Variants in C11orf87 observed in about 807,000 individuals in gnomAD.
C11orf87 encodes chromosome 11 open reading frame 87, also known as uncharacterized protein C11orf87.
Under a neutral mutation model 9.2 loss-of-function variants are expected in C11orf87, and 3 were observed. The ratio of observed to expected loss-of-function variants is 0.33; its 90% CI spans 0.15 to 0.84. C11orf87 has a LOEUF of 0.84. C11orf87 is among the 40% of genes least tolerant of loss of function. The probability of loss-of-function intolerance (pLI) is 0.55; values close to 1 mark genes in which losing one functional copy is unlikely to be tolerated. For missense variants in C11orf87, 256 were observed against 270.7 expected (o/e 0.95, Z 0.38); for synonymous variants, 124 against 124.6 (o/e 1.00, Z 0.03).
In C11orf87 at chr11:109,423,318, C is replaced by T. The variant is rs546449707; in HGVS notation, c.-259-57C>T. 1.9e-5 allele frequency: 8 copies of T among 424,296 alleles called. No individual in the cohort carries two copies. Among genetic ancestry groups the T allele is most frequent in the Non-Finnish European group, 3.0e-5 (7 of 237,104 alleles). 26.3% of individuals were successfully genotyped at this position (424,296 alleles called of 1,614,324 possible). ...CTTTGCGGTGGTGGTTGATCTTTCC[C>T]GACAGCACTCCCCTGGGCAGCGGCC... On this transcript the variant is annotated intron_variant, in intron 1 of 1. Coordinates refer to ENST00000327419, the MANE Select transcript of C11orf87 (RefSeq NM_207645.4). This position sits in a 1 kb window ranked among gnomAD's most constrained non-coding sequence, Gnocchi z 5.3.
In C11orf87 at chr11:109,426,464, A is replaced by C. The variant is rs1860574359; in HGVS notation, c.*2237A>C. On this transcript the variant is annotated 3_prime_UTR_variant, in exon 2 of 2. Transcript: ENST00000327419. ...ACTTAATTTTAATCACCCATAAGAT[A>C]ATCACCTTTCCTGAAGCACAGAAGA... is the stretch of plus-strand genomic sequence containing the variant. 1 of 152,246 alleles carries C rather than the reference A, an allele frequency of 6.6e-6. No homozygotes were observed. Among genetic ancestry groups the C allele is most frequent in the African/African-American group, 2.4e-5 (1 of 41,470 alleles). 9.4% of individuals were successfully genotyped at this position (152,246 alleles called of 1,614,324 possible). A position where few individuals can be genotyped will look rare whatever the true frequency, so the allele number is the denominator to read the frequency against.
chr11:109,423,227 C>T lies in C11orf87; in HGVS notation c.-259-148C>T. ...GCTCTGGTGCACGGCCACGGGCCGG[C>T]AGGCTGGGGTCCGCTGACCGAAAAT... On this transcript the variant is annotated intron_variant, in intron 1 of 1. Coordinates refer to ENST00000327419, the MANE Select transcript of C11orf87 (RefSeq NM_207645.4). This position sits in a 1 kb window ranked among gnomAD's most constrained non-coding sequence, Gnocchi z 5.3. The T allele has an allele frequency of 4.1e-6, 1 of 244,112 alleles. No individual in the cohort carries two copies. Among genetic ancestry groups the T allele is most frequent in the Non-Finnish European group, 7.9e-6 (1 of 127,176 alleles). 15.1% of individuals were successfully genotyped at this position (244,112 alleles called of 1,614,324 possible).
rs1048800857 is a variant in C11orf87 at position 109,423,148 on chromosome 11, C to T, written c.-259-227C>T. ...TTATCTGCTGAGTAATCTGCACCTCCGCGGTGCCGGCGCAGACCCCATCCT... is the reference window on the plus strand; with the variant it reads ...TTATCTGCTGAGTAATCTGCACCTCTGCGGTGCCGGCGCAGACCCCATCCT... On this transcript the variant is annotated intron_variant, in intron 1 of 1. Coordinates refer to ENST00000327419, the MANE Select transcript of C11orf87 (RefSeq NM_207645.4). This position sits in a 1 kb window ranked among gnomAD's most constrained non-coding sequence, Gnocchi z 5.3. Among the ~76,000 whole-genome samples the T allele has an allele frequency of 6.6e-6, 1 of 152,194 alleles. No individual in the cohort carries two copies. The highest frequency in any genetic ancestry group is 2.4e-5 in the African/African-American group (1 of 41,456).
At chr11:109,422,831 C>A (rs1048771190) in intron 1 of C11orf87, among the ~76,000 whole-genome samples, 3 of 139,394 alleles carry the variant, frequency 2.2e-5, no homozygotes, top group Admixed American at 1.6e-4. Flanking sequence ...CGGACAGAGG[C>A]AGAGTGGGAT....
rs949614687 is a variant in C11orf87 at position 109,428,972 on chromosome 11, G to A, written c.*4745G>A. 1 of 152,098 alleles carries A rather than the reference G, an allele frequency of 6.6e-6. No individual in the cohort carries two copies. Among genetic ancestry groups the A allele is most frequent in the African/African-American group, 2.4e-5 (1 of 41,442 alleles). 9.4% of individuals were successfully genotyped at this position (152,098 alleles called of 1,614,324 possible). ...CAAGGGATTGTTTCTATAGAGAGAT[G>A]AACAGCAACAACAGTGACAATGATG... On this transcript the variant is annotated 3_prime_UTR_variant, in exon 2 of 2. Transcript: ENST00000327419.
Position 109,422,233 on chromosome 11 carries a change from G to C in C11orf87, c.-290G>C, listed in dbSNP as rs1341861030. 5.0e-6 allele frequency: 1 copy of C among 201,038 alleles called. No individual in the cohort carries two copies. The highest frequency in any genetic ancestry group is 1.0e-5 in the Non-Finnish European group (1 of 99,018). 12.5% of individuals were successfully genotyped at this position (201,038 alleles called of 1,614,324 possible). Reference sequence around the variant, plus strand: ...CCGCCACTGCAGCCGCGCGGCGGGGGCTCCCTCCTTGCAGCCAGCCGGCGG... The same window carrying C: ...CCGCCACTGCAGCCGCGCGGCGGGGCCTCCCTCCTTGCAGCCAGCCGGCGG... On this transcript the variant is annotated 5_prime_UTR_variant, in exon 1 of 2. Coordinates refer to ENST00000327419, the MANE Select transcript of C11orf87 (RefSeq NM_207645.4).
rs923615100 is a variant in C11orf87, at chr11:109,424,037, C to T, written c.404C>T (p.Pro135Leu). ...AAGGAAACCCGGCTGGAGAGGCAGC[C>T]CCGGGACTCTCCCTTCTGCGCCCCT... ...HAKETRLERQ[P>L]RDSPFCAPSN... The change falls in exon 2 of 2, where the codon CCC (proline) becomes CTC (leucine). Residue 135 changes from proline (P) to leucine (L), a missense_variant. Physicochemically the swap from Pro to Leu is moderately conservative, Grantham distance 98. Coordinates refer to ENST00000327419, the MANE Select transcript of C11orf87 (RefSeq NM_207645.4). The surrounding 1 kb of genome is among the most constrained non-coding windows in gnomAD (Gnocchi z 4.7). The T allele has an allele frequency of 1.9e-6, 3 of 1,613,884 alleles. No individual in the cohort carries two copies. The highest frequency in any genetic ancestry group is 1.7e-6 in the Non-Finnish European group (2 of 1,180,022).
rs369089288 is a variant in C11orf87, at chr11:109,423,933, A to G, written c.300A>G (p.Glu100=). 7.4e-6 allele frequency: 12 copies of G among 1,614,124 alleles called. No individual in the cohort carries two copies. In the African/African-American group the frequency reaches 1.1e-4, roughly 14 times the overall value. Residue 100 remains glutamate (E), a synonymous_variant, in exon 2 of 2, where the codon GAA becomes GAG. Transcript: ENST00000327419. The surrounding 1 kb of genome is among the most constrained non-coding windows in gnomAD (Gnocchi z 5.3). ...GGAAGATGCAGAGGGCTCAGGAGGA[A>G]TATGAGCGGGATCACTGCAGCGGCA... The part of the protein sequence containing the change: ...KKRKMQRAQE[E]YERDHCSGSR...
rs1287139631 is a variant in C11orf87 at position 109,425,705 on chromosome 11, C to T, written c.*1478C>T. ...ATTAAAAACATGGTTAATATTTAAACAGTGCCTGTAGTTCTCCCTGCATGC... is the reference window on the plus strand; with the variant it reads ...ATTAAAAACATGGTTAATATTTAAATAGTGCCTGTAGTTCTCCCTGCATGC... On this transcript the variant is annotated 3_prime_UTR_variant, in exon 2 of 2. Transcript: ENST00000327419. The T allele has an allele frequency of 6.5e-6, 1 of 152,794 alleles. No individual in the cohort carries two copies. The highest frequency in any genetic ancestry group is 2.4e-5 in the African/African-American group (1 of 41,424). 9.5% of individuals were successfully genotyped at this position (152,794 alleles called of 1,614,324 possible).
chr11:109,424,632 A>T lies in C11orf87; in HGVS notation c.*405A>T, dbSNP rs1025196365. 2 of 167,488 alleles carry T rather than the reference A, an allele frequency of 1.2e-5. No homozygotes were observed. Among genetic ancestry groups the T allele is most frequent in the African/African-American group, 4.8e-5 (2 of 41,436 alleles). The allele number at this position is 167,488 out of a possible 1,614,324, so 10.4% of individuals were successfully genotyped here. The stretch of plus-strand genomic sequence containing the variant: ...ATATATAAAAGGCATTGATTCCCGG[A>T]GCAAAGGGAGGGGAGGGGGCCCGGT... On this transcript the variant is annotated 3_prime_UTR_variant, in exon 2 of 2. Transcript: ENST00000327419. This position sits in a 1 kb window ranked among gnomAD's most constrained non-coding sequence, Gnocchi z 4.7.
rs1565250451 is a variant in C11orf87, at chr11:109,424,031, G to A, written c.398G>A (p.Arg133Lys). 3 of 1,613,906 alleles carry A rather than the reference G, an allele frequency of 1.9e-6. No individual in the cohort carries two copies. The highest frequency in any genetic ancestry group is 2.5e-6 in the Non-Finnish European group (3 of 1,180,018). The change falls in exon 2 of 2, where the codon AGG becomes AAG. Residue 133 changes from arginine (R) to lysine (K), a missense_variant. By Grantham distance (26) the Arg-to-Lys change is conservative. Transcript: ENST00000327419. The surrounding 1 kb of genome is among the most constrained non-coding windows in gnomAD (Gnocchi z 4.7). ...CACGCAAAGGAAACCCGGCTGGAGA[G>A]GCAGCCCCGGGACTCTCCCTTCTGC... Reference protein sequence around the residue: ...PTHAKETRLERQPRDSPFCAP... With the variant: ...PTHAKETRLEKQPRDSPFCAP...
In C11orf87 at chr11:109,424,251, G is replaced by A. The variant is rs765457898; in HGVS notation, c.*24G>A. 2.5e-6 allele frequency: 4 copies of A among 1,573,520 alleles called. No individual in the cohort carries two copies. Among genetic ancestry groups the A allele is most frequent in the South Asian group, 2.3e-5 (2 of 87,204 alleles). On this transcript the variant is annotated 3_prime_UTR_variant, in exon 2 of 2. Transcript: ENST00000327419. The surrounding 1 kb of genome is among the most constrained non-coding windows in gnomAD (Gnocchi z 4.7). ...GATCGTCTAGCCCCTCTCGTTCCCC[G>A]TCCTCGTTTCCAGCATCTTTGCCAC... is the stretch of plus-strand genomic sequence containing the variant.
rs913839756 is a variant in C11orf87 at position 109,427,274 on chromosome 11, C to G, written c.*3047C>G. ...GTAGTTTAATATTTTTAATAGTGCT[C>G]TGTGTAAAGATGATGCAGTTTGTGA... On this transcript the variant is annotated 3_prime_UTR_variant, in exon 2 of 2. Coordinates refer to ENST00000327419, the MANE Select transcript of C11orf87 (RefSeq NM_207645.4). 2 of 152,080 alleles carry G rather than the reference C, an allele frequency of 1.3e-5. No individual in the cohort carries two copies. Among genetic ancestry groups the G allele is most frequent in the South Asian group, 2.1e-4 (1 of 4,828 alleles). 9.4% of individuals were successfully genotyped at this position (152,080 alleles called of 1,614,324 possible).
rs1401661673 is a variant in C11orf87, at chr11:109,425,739, C to T, written c.*1512C>T. On this transcript the variant is annotated 3_prime_UTR_variant, in exon 2 of 2. Transcript: ENST00000327419. ...TAGTTCTCCCTGCATGCAGTTACCA[C>T]CTGGAGGCAGTGGTGTGTGTGCTTG... 2.0e-5 allele frequency: 3 copies of T among 152,410 alleles called. No homozygotes were observed. The highest frequency in any genetic ancestry group is 4.4e-5 in the Non-Finnish European group (3 of 68,028). The allele number at this position is 152,410 out of a possible 1,614,324, so 9.4% of individuals were successfully genotyped here. A position where few individuals can be genotyped will look rare whatever the true frequency, so the allele number is the denominator to read the frequency against.
rs900207622 is a variant in C11orf87 at position 109,429,104 on chromosome 11, T to A, written c.*4877T>A. ...TTTGCTTTTCTATCAATAAAAGAGT[T>A]TTCTTGTTAATTGGCTTTTTGGACA... is the stretch of plus-strand genomic sequence containing the variant. On this transcript the variant is annotated 3_prime_UTR_variant, in exon 2 of 2. Transcript: ENST00000327419. 4.6e-5 allele frequency: 7 copies of A among 152,192 alleles called. No individual in the cohort carries two copies. Among genetic ancestry groups the A allele is most frequent in the African/African-American group, 1.7e-4 (7 of 41,456 alleles). 9.4% of individuals were successfully genotyped at this position (152,192 alleles called of 1,614,324 possible).
In C11orf87 at chr11:109,427,159, G is replaced by T. The variant is rs1860583813; in HGVS notation, c.*2932G>T. ...GCATTATGTATATTGTAAAACAAAT[G>T]ATCTCAATACCTCTCAACGTGGGCA... On this transcript the variant is annotated 3_prime_UTR_variant, in exon 2 of 2. Transcript: ENST00000327419. The T allele has an allele frequency of 6.6e-6, 1 of 152,144 alleles. No homozygotes were observed. The highest frequency in any genetic ancestry group is 1.5e-5 in the Non-Finnish European group (1 of 68,014). 9.4% of individuals were successfully genotyped at this position (152,144 alleles called of 1,614,324 possible). A position where few individuals can be genotyped will look rare whatever the true frequency, so the allele number is the denominator to read the frequency against.
Position 109,423,152 on chromosome 11 carries a change from G to T in C11orf87, c.-259-223G>T, listed in dbSNP as rs1287999716. 6.6e-6 allele frequency among the ~76,000 whole-genome samples: 1 copy of T among 152,214 alleles called. No individual in the cohort carries two copies. Among genetic ancestry groups the T allele is most frequent in the African/African-American group, 2.4e-5 (1 of 41,456 alleles). On this transcript the variant is annotated intron_variant, in intron 1 of 1. Coordinates refer to ENST00000327419, the MANE Select transcript of C11orf87 (RefSeq NM_207645.4). The surrounding 1 kb of genome is among the most constrained non-coding windows in gnomAD (Gnocchi z 5.3). ...CTGCTGAGTAATCTGCACCTCCGCG[G>T]TGCCGGCGCAGACCCCATCCTGTCG...
At position 109,423,517 on chromosome 11, in the gene C11orf87, C is replaced by T. The variant is rs1591274024; in HGVS notation, c.-117C>T. The T allele has an allele frequency of 2.8e-6, 3 of 1,088,696 alleles. No homozygotes were observed. The highest frequency in any genetic ancestry group is 3.9e-6 in the Non-Finnish European group (3 of 778,870). The allele number at this position is 1,088,696 out of a possible 1,614,324, so 67.4% of individuals were successfully genotyped here. A position where few individuals can be genotyped will look rare whatever the true frequency, so the allele number is the denominator to read the frequency against. ...AGTCCTTGGCTCGCTCGCACACCCC[C>T]TCCCGCTACAGGGAGCAGTTTTGGG... On this transcript the variant is annotated 5_prime_UTR_variant, in exon 2 of 2. Coordinates refer to ENST00000327419, the MANE Select transcript of C11orf87 (RefSeq NM_207645.4). This position sits in a 1 kb window ranked among gnomAD's most constrained non-coding sequence, Gnocchi z 5.3.
In C11orf87 at chr11:109,424,311, T is replaced by A; in HGVS notation, c.*84T>A. The A allele has an allele frequency of 8.8e-7, 1 of 1,132,438 alleles. No homozygotes were observed. Among genetic ancestry groups the A allele is most frequent in the Non-Finnish European group, 1.3e-6 (1 of 780,962 alleles). The allele number at this position is 1,132,438 out of a possible 1,614,324, so 70.1% of individuals were successfully genotyped here. On this transcript the variant is annotated 3_prime_UTR_variant, in exon 2 of 2. Coordinates refer to ENST00000327419, the MANE Select transcript of C11orf87 (RefSeq NM_207645.4). This position sits in a 1 kb window ranked among gnomAD's most constrained non-coding sequence, Gnocchi z 4.7. ...TTTCCTTCTTCCTTCCTTTTCCATTTTCCTCTGGCCCCTCTTTCCTCTTCC... is the reference window on the plus strand; with the variant it reads ...TTTCCTTCTTCCTTCCTTTTCCATTATCCTCTGGCCCCTCTTTCCTCTTCC...
Sources: gnomAD v4.1 joint callset for allele counts (sites outside exome capture counted in the v4.1 genomes callset) on GRCh38, gnomAD v4.1.1 for gene constraint, Gnocchi (gnomAD v3.1) non-coding constraint, MANE v1.5 for transcripts, NCBI Gene and HGNC (gene_info 2026-07-23, HGNC 2026-07-21) for gene names.